The following UGT8 variants were observed in gnomAD, a reference collection of about 807,000 sequenced individuals.
UGT8 encodes 2-hydroxyacylsphingosine 1-beta-galactosyltransferase.
A neutral mutation model predicts 40.5 loss-of-function variants in UGT8; 12 were observed. That is an observed-to-expected ratio of 0.30 (90% CI 0.19 to 0.48). UGT8 has a LOEUF of 0.48. Among genes scored for constraint, UGT8 ranks in the 20% least tolerant of loss-of-function variants. UGT8 has a pLI of 0.99. For synonymous variants in UGT8, 224 were observed against 240.4 expected (o/e 0.93, Z 0.63); for missense variants, 513 against 648.7 (o/e 0.79, Z 2.27).
intron 1 of UGT8, among the ~76,000 whole-genome samples, chr4:114,617,205 G>A (rs1182488176): frequency 1.3e-5 from 2 of 152,238 alleles, no homozygotes; most frequent in African/African-American, 4.8e-5. Flanking sequence ...AGTGAGCTGA[G>A]ATTGTGCCAT....
Position 114,603,206 on chromosome 4 carries a change from T to C in UGT8, c.-3+4232T>C, listed in dbSNP as rs373218959. On this transcript the variant is annotated intron_variant, in intron 1 of 5. Transcript: ENST00000310836. ...GAGAGCAAGAGTGATAGAGTTCAGTTTTAGACATGTAGAACTTGAAGTGCT... is the reference window on the plus strand; with the variant it reads ...GAGAGCAAGAGTGATAGAGTTCAGTCTTAGACATGTAGAACTTGAAGTGCT... 7.9e-5 allele frequency among the ~76,000 whole-genome samples: 12 copies of C among 152,182 alleles called. No individual in the cohort carries two copies. The South Asian group carries it at 2.1e-3, about 26-fold the overall frequency.
At position 114,622,956 on chromosome 4, in the gene UGT8, G is replaced by T. The variant is rs145205528; in HGVS notation, c.76G>T (p.Val26Leu). 1.7e-5 allele frequency: 27 copies of T among 1,613,946 alleles called. No homozygotes were observed. The East Asian group carries it at 5.3e-4, about 32-fold the overall frequency. Residue 26 changes from valine (V) to leucine (L), a missense_variant, in exon 2 of 6, where the codon GTG becomes TTG. Coordinates refer to ENST00000310836, the MANE Select transcript of UGT8 (RefSeq NM_001128174.3). ...AGCGAAGGCTGCCAAAATCATCATC[G>T]TGCCGCCAATTATGTTTGAAAGCCA... ...GIAKAAKIII[V>L]PPIMFESHMY...
At chr4:114,645,488 AT>A (rs1042455611) in intron 2 of UGT8, among the ~76,000 whole-genome samples, 31 of 151,868 alleles carry the variant, frequency 2.0e-4, no homozygotes, top group African/African-American at 7.3e-4. Flanking sequence ...TATAGAGTTA[AT>A]TTTTTTTCAT....
chr4:114,607,616 T>A (rs1033351515), intron 1 of UGT8, among the ~76,000 whole-genome samples: 4 of 152,236 alleles, frequency 2.6e-5, no homozygotes, highest in African/African-American at 9.6e-5. Flanking sequence ...GTATTTCTAA[T>A]TGTGATTTCT....
intron 5 of UGT8, among the ~76,000 whole-genome samples, chr4:114,669,301 G>A (rs1248849529): frequency 1.3e-5 from 2 of 151,930 alleles, no homozygotes; most frequent in East Asian, 1.9e-4. Flanking sequence ...AACTAGGGTT[G>A]CCTAAGTATA....
Position 114,676,287 on chromosome 4 carries a change from G to T in UGT8, c.1625G>T (p.Ter542LeuextTer23). ...ATTAAACATGAAAAGAAAGTGAAAT[G>T]AGCCAACAGCCCAGGTGATAGAAAT... is the stretch of plus-strand genomic sequence containing the variant. ...GHIKHEKKVK[*>L] is the part of the protein sequence containing the mutation. The change falls in exon 6 of 6, where the codon TGA becomes TTA. Residue 542 changes from the stop codon to leucine (L), a stop_lost. Transcript: ENST00000310836. The T allele has an allele frequency of 6.3e-7, 1 of 1,577,156 alleles. No homozygotes were observed. Among genetic ancestry groups the T allele is most frequent in the Non-Finnish European group, 8.6e-7 (1 of 1,162,562 alleles).
chr4:114,618,867 T>G (rs1731597876), intron 1 of UGT8, among the ~76,000 whole-genome samples: 2 of 152,244 alleles, frequency 1.3e-5, no homozygotes, highest in African/African-American at 4.8e-5. Flanking sequence ...ATTGAATAAG[T>G]TTTTCTTTCC....
upstream of UGT8, chr4:114,598,441 A>C (rs948704870): frequency 6.6e-6 from 1 of 152,226 alleles, no homozygotes; most frequent in Non-Finnish European, 1.5e-5. Flanking sequence ...GGCTCGCGAA[A>C]AGTCCCAGCC....
chr4:114,650,364 A>G (rs1733828313), intron 2 of UGT8, among the ~76,000 whole-genome samples: 1 of 152,180 alleles, frequency 6.6e-6, no homozygotes, highest in Admixed American at 6.6e-5. Context: ...TTTTTGCATG[A>G]TTGGAAAATC....
intron 2 of UGT8, among the ~76,000 whole-genome samples, chr4:114,631,294 C>T (rs1258620967): frequency 6.6e-6 from 1 of 152,094 alleles, no homozygotes; most frequent in Non-Finnish European, 1.5e-5. Flanking sequence ...CCAGCCTGGC[C>T]AACATGATGT....
intron 2 of UGT8, among the ~76,000 whole-genome samples, chr4:114,630,779 A>G (rs1398903771): frequency 5.3e-5 from 8 of 152,178 alleles, no homozygotes; most frequent in Non-Finnish European, 1.2e-4. Flanking sequence ...TCTCTAGGGT[A>G]GAAAGAAGAA....
intron 2 of UGT8, among the ~76,000 whole-genome samples, chr4:114,634,427 C>T (rs1222547384): frequency 6.6e-6 from 1 of 152,106 alleles, no homozygotes; most frequent in Non-Finnish European, 1.5e-5. Flanking sequence ...CTTATCGACT[C>T]TCCAAGGAAG....
intron 2 of UGT8, among the ~76,000 whole-genome samples, chr4:114,643,272 A>T (rs2126115393): frequency 6.6e-6 from 1 of 152,294 alleles, no homozygotes; most frequent in South Asian, 2.1e-4. Flanking sequence ...AGAAGTTTAA[A>T]TTTTAATAGT....
intron 2 of UGT8, among the ~76,000 whole-genome samples, chr4:114,652,196 C>T (rs376604834): frequency 4.4e-4 from 67 of 152,070 alleles, no homozygotes; most frequent in East Asian, 2.1e-3. Flanking sequence ...CTTGAAGGAC[C>T]TGTTGAATTT....
Position 114,623,540 on chromosome 4 carries a change from G to C in UGT8, c.660G>C (p.Gln220His), listed in dbSNP as rs533936789. ...TTCCCAAATATGAAAGGATAATGCA[G>C]AAGTACAACCTGCTGCCAGAGAAGT... Reference protein sequence around the residue: ...LVLPKYERIMQKYNLLPEKSM... With the variant: ...LVLPKYERIMHKYNLLPEKSM... The change falls in exon 2 of 6, where the codon CAG (glutamine) becomes CAC (histidine). Residue 220 changes from glutamine to histidine, a missense_variant. Gln to His is a conservative substitution (Grantham distance 24). Around this residue, in one of 3 missense-constraint regions of UGT8, gnomAD observed 335 missense variants for 444.8 expected, o/e 0.75. Transcript: ENST00000310836. 1.7e-4 allele frequency: 281 copies of C among 1,614,128 alleles called. No individual in the cohort carries two copies. The South Asian group carries it at 2.8e-3, about 16-fold the overall frequency.
Position 114,601,829 on chromosome 4 carries a change from GT to G in UGT8, c.-3+2869del, listed in dbSNP as rs58806720. On this transcript the variant is annotated intron_variant, in intron 1 of 5. Transcript: ENST00000310836. Reference sequence around the variant, plus strand: ...ACAGAAGTACCATTCTTCTTTTTATGTTTTTTTTTTTTTTCTGGGTCCTCTT... The same window carrying G: ...ACAGAAGTACCATTCTTCTTTTTATGTTTTTTTTTTTTTCTGGGTCCTCTT... 9.1e-3 allele frequency among the ~76,000 whole-genome samples: 1,277 copies of G among 140,466 alleles called. 7 individuals carry two copies. Among genetic ancestry groups the G allele is most frequent in the African/African-American group, 0.015 (579 of 38,658 alleles). The allele number at this position is 140,466 out of a possible 152,430, so 92.2% of individuals were successfully genotyped here.
chr4:114,605,041 A>C (rs1730657282), intron 1 of UGT8, among the ~76,000 whole-genome samples: 1 of 152,126 alleles, frequency 6.6e-6, no homozygotes, highest in Non-Finnish European at 1.5e-5. Flanking sequence ...TCACCAAGTC[A>C]GTTTTAGACT....
At chr4:114,658,002 AT>A (rs1301416301) in intron 2 of UGT8, among the ~76,000 whole-genome samples, 1 of 152,140 alleles carries the variant, frequency 6.6e-6, no homozygotes, top group African/African-American at 2.4e-5. Context: ...TTTATTTTGA[AT>A]GGTGACCTTT....
At chr4:114,648,402 G>A (rs908536767) in intron 2 of UGT8, among the ~76,000 whole-genome samples, 10 of 144,304 alleles carry the variant, frequency 6.9e-5, no homozygotes, top group East Asian at 2.0e-4. Context: ...TAGTCAAATC[G>A]GATTCAGGAT....
Sources: gnomAD v4.1 joint callset for allele counts (sites outside exome capture counted in the v4.1 genomes callset) on GRCh38, gnomAD v4.1.1 for gene constraint, gnomAD v4.1.1 regional missense constraint, MANE v1.5 for transcripts, NCBI Gene and HGNC (gene_info 2026-07-23, HGNC 2026-07-21) for gene names.